ULK4: variants seen among roughly 807,000 people sequenced by gnomAD.
ULK4 encodes unc-51 like kinase 4.
ULK4 carries 133 observed loss-of-function variants against 160.6 expected under a neutral mutation model. That is an observed-to-expected ratio of 0.83 (90% confidence interval 0.72 to 0.96). The LOEUF (loss-of-function observed/expected upper bound fraction) is 0.96. Ranked by LOEUF, ULK4 falls within the 40% of genes least tolerant of loss-of-function variation. ULK4 has a pLI of 0.00. For synonymous variants in ULK4, 534 were observed against 539.8 expected, an observed-to-expected ratio of 0.99 and a Z score of 0.15; for missense variants, 1,580 against 1,499.5, an observed-to-expected ratio of 1.05 and a Z score of -0.89.
chr3:41,287,943 A>T (rs973859613), intron 35 of ULK4, among the ~76,000 whole-genome samples: 1 of 152,202 alleles, frequency 6.6e-6, no homozygotes, highest in African/African-American at 2.4e-5. Flanking sequence ...AACTAGGTTG[A>T]AACTTTTTTG....
intron 35 of ULK4, among the ~76,000 whole-genome samples, chr3:41,363,714 G>GTA (rs2081194273): frequency 6.6e-6 from 1 of 152,152 alleles, no homozygotes; most frequent in Non-Finnish European, 1.5e-5. Flanking sequence ...CATTTCCAAA[G>GTA]TATATATCTG....
chr3:41,455,704 T>C (rs1259133916), intron 33 of ULK4, 109 bp from the exon 34 acceptor site: 6 of 874,060 alleles, frequency 6.9e-6, no homozygotes, highest in African/African-American at 3.3e-5. Flanking sequence ...GGAAGCATTC[T>C]ACCTCAGTTC....
At chr3:41,450,027 G>T (rs1377269936) in intron 34 of ULK4, among the ~76,000 whole-genome samples, 3 of 151,048 alleles carry the variant, frequency 2.0e-5, no homozygotes, top group African/African-American at 4.9e-5. Flanking sequence ...TGGCACCTTT[G>T]ATATATAATA....
At chr3:41,373,715 C>T (rs565640270) in intron 35 of ULK4, among the ~76,000 whole-genome samples, 26 of 152,140 alleles carry the variant, frequency 1.7e-4, no homozygotes, top group Non-Finnish European at 3.1e-4. Flanking sequence ...CCTAACATCA[C>T]AATTAAAAGA....
At chr3:41,631,233 A>G (rs1559445503) in intron 30 of ULK4, among the ~76,000 whole-genome samples, 1 of 152,206 alleles carries the variant, frequency 6.6e-6, no homozygotes, top group Non-Finnish European at 1.5e-5. Flanking sequence ...ACACAAAAAA[A>G]GGAGGGCAGG....
At chr3:41,729,098 G>T (rs2037742657) in intron 22 of ULK4, among the ~76,000 whole-genome samples, 1 of 152,158 alleles carries the variant, frequency 6.6e-6, no homozygotes, top group African/African-American at 2.4e-5. Context: ...GGAGAACGCT[G>T]AAGTACAGCA....
At chr3:41,748,807 T>C (rs2038511677) in intron 22 of ULK4, among the ~76,000 whole-genome samples, 1 of 152,248 alleles carries the variant, frequency 6.6e-6, no homozygotes, top group Admixed American at 6.5e-5. Context: ...TAGTATGCTA[T>C]GAATACTGTT....
intron 19 of ULK4, among the ~76,000 whole-genome samples, chr3:41,803,122 G>C (rs990110218): frequency 2.0e-5 from 3 of 147,496 alleles, no homozygotes; most frequent in African/African-American, 7.8e-5. Flanking sequence ...AGTGAGCCAA[G>C]ATCGCACCAC....
chr3:41,747,229 A>G (rs941561788), intron 22 of ULK4, among the ~76,000 whole-genome samples: 3 of 151,954 alleles, frequency 2.0e-5, no homozygotes, highest in Admixed American at 6.5e-5. Flanking sequence ...ACATGGAGAG[A>G]AAAAATTTGC....
intron 21 of ULK4, among the ~76,000 whole-genome samples, chr3:41,760,126 T>G (rs572025809): frequency 1.3e-5 from 2 of 152,242 alleles, no homozygotes; most frequent in South Asian, 2.1e-4. Context: ...GAACAAAATA[T>G]TTAAACAGAC....
At chr3:41,647,889 C>T in intron 30 of ULK4, among the ~76,000 whole-genome samples, 1 of 152,224 alleles carries the variant, frequency 6.6e-6, no homozygotes, top group Non-Finnish European at 1.5e-5. Flanking sequence ...CCTACGCAAG[C>T]CTGAGCAATG....
intron 31 of ULK4, among the ~76,000 whole-genome samples, chr3:41,578,236 G>A (rs1289655049): frequency 1.3e-5 from 2 of 152,154 alleles, no homozygotes; most frequent in East Asian, 1.9e-4. Context: ...CTGCAAGCAT[G>A]TATGTTTATG....
At chr3:41,264,229 G>A (rs989929928) in intron 35 of ULK4, among the ~76,000 whole-genome samples, 1 of 152,260 alleles carries the variant, frequency 6.6e-6, no homozygotes, top group Non-Finnish European at 1.5e-5. Flanking sequence ...GGACCAGCTG[G>A]AAGCCAGAAG....
chr3:41,861,727 A>G (rs1244651405), intron 17 of ULK4, among the ~76,000 whole-genome samples: 2 of 152,018 alleles, frequency 1.3e-5, no homozygotes, highest in African/African-American at 4.8e-5. Flanking sequence ...TTTTGAATAA[A>G]CTTTTTACCT....
At chr3:41,537,569 C>T (rs541168642) in intron 32 of ULK4, among the ~76,000 whole-genome samples, 4 of 152,222 alleles carry the variant, frequency 2.6e-5, no homozygotes, top group African/African-American at 9.6e-5. Context: ...ATGCTGATAC[C>T]TTCAGTGTTT....
intron 35 of ULK4, among the ~76,000 whole-genome samples, chr3:41,250,462 GTTTT>G (rs2078725506): frequency 6.6e-6 from 1 of 152,154 alleles, no homozygotes; most frequent in Admixed American, 6.5e-5. Flanking sequence ...TATATATCAT[GTTTT>G]ATTTATGAGG....
At chr3:41,877,529 G>C (rs1697354017) in intron 17 of ULK4, among the ~76,000 whole-genome samples, 1 of 151,938 alleles carries the variant, frequency 6.6e-6, no homozygotes, top group Non-Finnish European at 1.5e-5. Flanking sequence ...GTTTTGCCAT[G>C]TTGGCCAAGC....
chr3:41,555,982 T>C (rs1340891422), intron 32 of ULK4, among the ~76,000 whole-genome samples: 2 of 152,082 alleles, frequency 1.3e-5, no homozygotes, highest in East Asian at 3.9e-4. Context: ...ATGATGAGAA[T>C]ACTTGGACAC....
Position 41,291,829 on chromosome 3 carries a change from C to CT in ULK4, c.3679-42256dup, listed in dbSNP as rs57691333. Reference sequence around the variant, plus strand: ...TCATCACGTGGTCACTTGTGATGTTCTTTTTTTTTTTTTTTTTCTGAGACG... The same window carrying CT: ...TCATCACGTGGTCACTTGTGATGTTCTTTTTTTTTTTTTTTTTTCTGAGACG... On this transcript the variant is annotated intron_variant, in intron 35 of 36. Coordinates refer to ENST00000301831, the MANE Select transcript of ULK4 (RefSeq NM_017886.4). 3.2e-3 allele frequency among the ~76,000 whole-genome samples: 430 copies of CT among 133,410 alleles called. 2 individuals are homozygous for CT. Among genetic ancestry groups the CT allele is most frequent in the African/African-American group, 8.3e-3 (290 of 34,984 alleles). 87.5% of individuals were successfully genotyped at this position (133,410 alleles called of 152,430 possible).
Sources: allele counts gnomAD v4.1 joint callset (sites outside exome capture counted in the v4.1 genomes callset), GRCh38; gene constraint gnomAD v4.1.1; transcripts MANE v1.5; gene names NCBI Gene and HGNC (gene_info 2026-07-23, HGNC 2026-07-21).